The following ANKRD62 variants were observed in gnomAD, a reference collection of about 807,000 sequenced individuals.
ANKRD62 encodes ankyrin repeat domain 62, also known as ankyrin repeat domain-containing protein 62.
A neutral mutation model predicts 98.8 loss-of-function variants in ANKRD62; 61 were observed. The ratio of observed to expected loss-of-function variants is 0.62; its 90% CI spans 0.50 to 0.76. The LOEUF (loss-of-function observed/expected upper bound fraction) is 0.76. ANKRD62 is among the 30% of genes least tolerant of loss of function. The probability of loss-of-function intolerance (pLI) is 0.00; values close to 1 mark genes in which losing one functional copy is unlikely to be tolerated. For synonymous variants in ANKRD62, 341 were observed against 367.9 expected (o/e 0.93, Z 0.84); for missense variants, 933 against 1,082.9 (o/e 0.86, Z 1.94).
At chr18:12,125,184 T>G (rs1455716387) in intron 12 of ANKRD62, among the ~76,000 whole-genome samples, 1 of 152,130 alleles carries the variant, frequency 6.6e-6, no homozygotes, top group African/African-American at 2.4e-5. Flanking sequence ...AGTAAAAGCC[T>G]TCTTTTAAAA....
At chr18:12,119,158 A>G (rs963767665) in intron 10 of ANKRD62, among the ~76,000 whole-genome samples, 3 of 151,264 alleles carry the variant, frequency 2.0e-5, no homozygotes, top group African/African-American at 7.3e-5. Context: ...CTATTTTGTC[A>G]TGTTTACACA....
chr18:12,103,058 A>T, intron 6 of ANKRD62, 100 bp from the exon 7 acceptor site: 1 of 869,802 alleles, frequency 1.1e-6, no homozygotes, highest in Non-Finnish European at 1.6e-6. Context: ...CTCAATTTAT[A>T]GAAGAAAAAT....
chr18:12,140,396 G>C, the ANKRD62 span, among the ~76,000 whole-genome samples: 1 of 152,180 alleles, frequency 6.6e-6, no homozygotes, highest in African/African-American at 2.4e-5. Context: ...GTGAGGAGCT[G>C]CGTTCCTTTG....
intron 8 of ANKRD62, among the ~76,000 whole-genome samples, chr18:12,111,597 A>C (rs1909540682): frequency 6.6e-6 from 1 of 152,180 alleles, no homozygotes; most frequent in African/African-American, 2.4e-5. Flanking sequence ...GCATCCAAGT[A>C]GGAAGAGAGG....
the ANKRD62 span, among the ~76,000 whole-genome samples, chr18:12,161,938 C>G: frequency 6.6e-6 from 1 of 152,074 alleles, no homozygotes; most frequent in East Asian, 1.9e-4. Flanking sequence ...TTGATGGACA[C>G]TTAGGTTGCT....
the ANKRD62 span, among the ~76,000 whole-genome samples, chr18:12,141,563 G>T: frequency 2.7e-5 from 4 of 145,856 alleles, no homozygotes; most frequent in Non-Finnish European, 6.0e-5. Context: ...TTATTCTATT[G>T]TGACTCTCGG....
chr18:12,141,587 G>T, the ANKRD62 span, among the ~76,000 whole-genome samples: 5 of 137,192 alleles, frequency 3.6e-5, no homozygotes, highest in African/African-American at 1.4e-4. Flanking sequence ...CCTTGCATTA[G>T]GTATTGCCAT....
chr18:12,101,681 T>C (rs1300414746), intron 6 of ANKRD62, among the ~76,000 whole-genome samples: 1 of 152,214 alleles, frequency 6.6e-6, no homozygotes, highest in African/African-American at 2.4e-5. Context: ...AGCTGGATTC[T>C]CTTTAAGAGA....
At chr18:12,139,936 G>C in the ANKRD62 span, among the ~76,000 whole-genome samples, 2 of 152,222 alleles carry the variant, frequency 1.3e-5, no homozygotes, top group African/African-American at 4.8e-5. Flanking sequence ...ATATCCTGCA[G>C]AGTGTTTTCC....
chr18:12,169,144 G>T, the ANKRD62 span, among the ~76,000 whole-genome samples: 1 of 152,004 alleles, frequency 6.6e-6, no homozygotes, highest in South Asian at 2.1e-4. Flanking sequence ...TTGCCTGATT[G>T]CCCTGGCCAG....
chr18:12,162,077 T>A, the ANKRD62 span, among the ~76,000 whole-genome samples: 1 of 152,088 alleles, frequency 6.6e-6, no homozygotes, highest in Admixed American at 6.5e-5. Flanking sequence ...GAAGATCTAG[T>A]TTTTTTGAGG....
chr18:12,171,393 A>G, the ANKRD62 span, among the ~76,000 whole-genome samples: 1 of 152,172 alleles, frequency 6.6e-6, no homozygotes. Flanking sequence ...TCCTTCACTT[A>G]TGAAACTTAG....
At chr18:12,156,399 T>G in the ANKRD62 span, among the ~76,000 whole-genome samples, 1 of 152,320 alleles carries the variant, frequency 6.6e-6, no homozygotes, top group African/African-American at 2.4e-5. Context: ...TGTCATGGAC[T>G]GGTAGATCCT....
At chr18:12,131,736 AGTGT>A (rs59080091), downstream of ANKRD62, among the ~76,000 whole-genome samples, 52,984 of 148,626 alleles carry the variant, frequency 0.36, 9,553 homozygotes, top group Middle Eastern at 0.41. Flanking sequence ...TGTATGTGTG[AGTGT>A]GTGTGTGTGT....
intron 6 of ANKRD62, among the ~76,000 whole-genome samples, chr18:12,100,768 T>C (rs139667028): frequency 0.011 from 1,724 of 152,326 alleles, 27 homozygotes; most frequent in South Asian, 0.041. Context: ...AAATGAGATA[T>C]ATTTACTTCG....
chr18:12,114,297 GC>G (rs1321230161), intron 8 of ANKRD62, among the ~76,000 whole-genome samples: 1 of 152,038 alleles, frequency 6.6e-6, no homozygotes, highest in African/African-American at 2.4e-5. Context: ...TAAAAAAAAT[GC>G]CAAGATTAAA....
At chr18:12,132,130 A>C (rs1910014826), downstream of ANKRD62, among the ~76,000 whole-genome samples, 1 of 152,146 alleles carries the variant, frequency 6.6e-6, no homozygotes, top group African/African-American at 2.4e-5. Context: ...ATTATTGTAC[A>C]GATATTTTGC....
chr18:12,107,749 G>A (rs1309854762), intron 8 of ANKRD62, among the ~76,000 whole-genome samples: 1 of 152,130 alleles, frequency 6.6e-6, no homozygotes, highest in African/African-American at 2.4e-5. Context: ...GGGTAGTTCA[G>A]TAGCATGCAT....
At chr18:12,119,664 T>G (rs1195552923) in intron 10 of ANKRD62, among the ~76,000 whole-genome samples, 1 of 152,182 alleles carries the variant, frequency 6.6e-6, no homozygotes, top group Non-Finnish European at 1.5e-5. Flanking sequence ...TTTCAGCATA[T>G]AAACTTTTGA....
Sources: gnomAD v4.1 joint callset for allele counts (sites outside exome capture counted in the v4.1 genomes callset) on GRCh38, gnomAD v4.1.1 for gene constraint, MANE v1.5 for transcripts, NCBI Gene and HGNC (gene_info 2026-07-23, HGNC 2026-07-21) for gene names.